The following MRPL27 variants were observed in gnomAD, a reference collection of about 807,000 sequenced individuals.
MRPL27 encodes the protein large ribosomal subunit protein bL27m.
A neutral mutation model predicts 14.6 loss-of-function variants in MRPL27; 4 were observed. The observed-to-expected ratio is 0.27, with a 90% confidence interval of 0.14 to 0.63. The LOEUF (loss-of-function observed/expected upper bound fraction) is 0.63, where lower values mean the gene tolerates loss of function less well. Among genes scored for constraint, MRPL27 ranks in the 20% least tolerant of loss-of-function variants. The pLI, the probability that MRPL27 is intolerant of heterozygous loss-of-function variation, is 0.85. For missense variants in MRPL27, 196 were observed against 192.8 expected (o/e 1.02, Z -0.10); for synonymous variants, 82 against 75.5 (o/e 1.09, Z -0.45).
chr17:50,368,395 G>A (rs1354347130), intron 3 of MRPL27, 97 bp from the exon 4 acceptor site: 4 of 1,277,718 alleles, frequency 3.1e-6, no homozygotes, highest in Non-Finnish European at 3.3e-6. Context: ...CGGGCCCTGG[G>A]GCTGAAAGGG....
At chr17:50,373,073 G>C in intron 1 of MRPL27, 58 bp downstream of exon 1, 1 of 1,610,012 alleles carries the variant, frequency 6.2e-7, no homozygotes, top group Non-Finnish European at 8.5e-7. Flanking sequence ...TTCCCTCCCT[G>C]CTGGAGCTCC....
intron 1 of MRPL27, 164 bp downstream of exon 1, chr17:50,372,967 G>T (rs775127918): frequency 7.6e-5 from 71 of 930,162 alleles, no homozygotes; most frequent in Non-Finnish European, 9.8e-5. Context: ...CACCCAGGAT[G>T]TGTCACGTGA....
chr17:50,373,099 C>T (rs905917193), intron 1 of MRPL27, 32 bp downstream of exon 1: 23 of 1,613,728 alleles, frequency 1.4e-5, no homozygotes, highest in Non-Finnish European at 1.8e-5. Flanking sequence ...GCCTCCCCGC[C>T]TCACCCCGCT....
At chr17:50,371,645 T>C (rs1168377932) in intron 1 of MRPL27, among the ~76,000 whole-genome samples, 1 of 152,168 alleles carries the variant, frequency 6.6e-6, no homozygotes, top group Non-Finnish European at 1.5e-5. Context: ...CTGGAGCCTA[T>C]AAGTTCAGAG....
At chr17:50,370,122 C>T (rs1441294383) in intron 2 of MRPL27, 23 bp from the exon 3 acceptor site, 1 of 1,599,112 alleles carries the variant, frequency 6.3e-7, no homozygotes, top group Admixed American at 1.7e-5. Flanking sequence ...TCCACAGTGA[C>T]TGGGGCAGCA....
At position 50,368,316 on chromosome 17, in the gene MRPL27, GGT is replaced by G. The variant is rs1913024519; in HGVS notation, c.241-20_241-19del. ...ACACCCACCTGCAACACACAGACCT[GGT>G]CAGCTGGTCAGCTGGTCAGCGAGGT... is the stretch of plus-strand genomic sequence containing the variant. On this transcript the variant is annotated intron_variant, in intron 3 of 3. Transcript: ENST00000225969. 1.0e-5 allele frequency: 5 copies of G among 482,450 alleles called. No individual in the cohort carries two copies. In the African/African-American group the frequency reaches 2.9e-4, roughly 28 times the overall value. The allele number at this position is 482,450 out of a possible 1,614,324, so 29.9% of individuals were successfully genotyped here. A position where few individuals can be genotyped will look rare whatever the true frequency, so the allele number is the denominator to read the frequency against.
At chr17:50,368,888 A>G in intron 3 of MRPL27, 1 of 702,248 alleles carries the variant, frequency 1.4e-6, no homozygotes, top group Non-Finnish European at 2.6e-6. Flanking sequence ...GTGAAATATG[A>G]AGCAGAGAGA....
At position 50,367,895 on chromosome 17, in the gene MRPL27, C is replaced by A; in HGVS notation, c.*197G>T. 1 of 614,950 alleles carries A rather than the reference C, an allele frequency of 1.6e-6. No individual in the cohort carries two copies. The highest frequency in any genetic ancestry group is 2.9e-6 in the Non-Finnish European group (1 of 350,838). 38.1% of individuals were successfully genotyped at this position (614,950 alleles called of 1,614,324 possible). On this transcript the variant is annotated 3_prime_UTR_variant, in exon 4 of 4. Coordinates refer to ENST00000225969, the MANE Select transcript of MRPL27 (RefSeq NM_016504.3). ...CCCTAAATAGCATGCGTTCATGACG[C>A]TGGCTCACTTTATTTTTGGCCCCAG...
At chr17:50,370,418 G>A (rs1013334940) in intron 2 of MRPL27, 37 bp downstream of exon 2, 4 of 1,613,656 alleles carry the variant, frequency 2.5e-6, no homozygotes, top group Middle Eastern at 1.7e-4. Context: ...TGAGGACAGG[G>A]TGCAGCTAGG....
intron 3 of MRPL27, chr17:50,369,703 T>C (rs1241998242): frequency 8.5e-6 from 3 of 352,244 alleles, no homozygotes; most frequent in Non-Finnish European, 1.0e-5. Context: ...ACCAGGTATC[T>C]TGTCCTCCAA....
rs1383847864 is a variant in MRPL27 at position 50,370,922 on chromosome 17, G to C, written c.41-336C>G. The C allele has an allele frequency of 8.1e-5, 22 of 273,116 alleles. No individual in the cohort carries two copies. In the South Asian group the frequency reaches 9.0e-4, roughly 11 times the overall value. 16.9% of individuals were successfully genotyped at this position (273,116 alleles called of 1,614,324 possible). Reference sequence around the variant, plus strand: ...CTCACTCACCCTCATGCACCACGGAGGGGCCAGAACAGACTTGGGGAGCCC... The same window carrying C: ...CTCACTCACCCTCATGCACCACGGACGGGCCAGAACAGACTTGGGGAGCCC... On this transcript the variant is annotated intron_variant, in intron 1 of 3. Coordinates refer to ENST00000225969, the MANE Select transcript of MRPL27 (RefSeq NM_016504.3).
intron 3 of MRPL27, chr17:50,368,614 G>A: frequency 1.7e-6 from 1 of 592,184 alleles, no homozygotes; most frequent in Non-Finnish European, 3.0e-6. Context: ...CCAGGAAGAT[G>A]CCCTAAATCT....
chr17:50,369,798 C>G lies in MRPL27; in HGVS notation c.240+234G>C, dbSNP rs1913072803. 11 of 585,898 alleles carry G rather than the reference C, an allele frequency of 1.9e-5. No homozygotes were observed. The South Asian group carries it at 2.3e-4, about 12-fold the overall frequency. 36.3% of individuals were successfully genotyped at this position (585,898 alleles called of 1,614,324 possible). A position where few individuals can be genotyped will look rare whatever the true frequency, so the allele number is the denominator to read the frequency against. The stretch of plus-strand genomic sequence containing the variant: ...CATAGTGATCTGGGAGTTAGGCAGA[C>G]CTGGTGCAAATCCCAGCAGTCACTT... On this transcript the variant is annotated intron_variant, in intron 3 of 3. Transcript: ENST00000225969.
rs1176289491 is a variant in MRPL27 at position 50,373,123 on chromosome 17, C to T, written c.40+8G>A. ...CCTCACCCCGCTCTGACTACTGCGT[C>T]CCATTACCGGCTGTCCGGGTCCTCA... On this transcript the variant is annotated splice_region_variant and intron_variant, in intron 1 of 3. Transcript: ENST00000225969. 1 of 1,614,174 alleles carries T rather than the reference C, an allele frequency of 6.2e-7. No homozygotes were observed. Among genetic ancestry groups the T allele is most frequent in the South Asian group, 1.1e-5 (1 of 91,088 alleles).
intron 2 of MRPL27, 125 bp from the exon 3 acceptor site, chr17:50,370,224 C>A: frequency 8.5e-7 from 1 of 1,182,636 alleles, no homozygotes; most frequent in Non-Finnish European, 1.2e-6. Context: ...GACAGTCCAA[C>A]ACAAGCAGCG....
At chr17:50,372,989 G>T in intron 1 of MRPL27, 142 bp downstream of exon 1, 1 of 1,171,244 alleles carries the variant, frequency 8.5e-7, no homozygotes, top group Non-Finnish European at 1.2e-6. Flanking sequence ...CAGCGACACC[G>T]TCCCTCAAAC....
chr17:50,369,874 T>A (rs371924928), intron 3 of MRPL27, 158 bp downstream of exon 3: 2 of 823,612 alleles, frequency 2.4e-6, no homozygotes, highest in African/African-American at 1.7e-5. Flanking sequence ...CTTACAGGGA[T>A]GTGGTAAGGA....
rs1360389259 is a variant in MRPL27, at chr17:50,367,916, C to G, written c.*176G>C. The G allele has an allele frequency of 1.5e-6, 1 of 678,874 alleles. No individual in the cohort carries two copies. Among genetic ancestry groups the G allele is most frequent in the African/African-American group, 1.8e-5 (1 of 55,230 alleles). The allele number at this position is 678,874 out of a possible 1,614,324, so 42.1% of individuals were successfully genotyped here. A position where few individuals can be genotyped will look rare whatever the true frequency, so the allele number is the denominator to read the frequency against. ...GACGCTGGCTCACTTTATTTTTGGC[C>G]CCAGGTCAGGTCTCCCAAAGGGTTT... On this transcript the variant is annotated 3_prime_UTR_variant, in exon 4 of 4. Coordinates refer to ENST00000225969, the MANE Select transcript of MRPL27 (RefSeq NM_016504.3).
At chr17:50,370,894 A>T (rs1913111812) in intron 1 of MRPL27, 2 of 314,310 alleles carry the variant, frequency 6.4e-6, no homozygotes, top group Non-Finnish European at 6.2e-6. Flanking sequence ...CCTGCTTCAG[A>T]GGCTCACTCA....
Sources: allele counts gnomAD v4.1 joint callset (sites outside exome capture counted in the v4.1 genomes callset), GRCh38; gene constraint gnomAD v4.1.1; transcripts MANE v1.5; gene names NCBI Gene and HGNC (gene_info 2026-07-23, HGNC 2026-07-21).